Variants in ANKRD26 observed in about 807,000 individuals in gnomAD.
ANKRD26 encodes ankyrin repeat domain-containing protein 26.
In ANKRD26, 141 loss-of-function variants were observed where a neutral mutation model predicts 208.7. The observed-to-expected ratio is 0.68, with a 90% CI of 0.59 to 0.78. ANKRD26 has a LOEUF of 0.78. Among genes scored for constraint, ANKRD26 ranks in the 30% least tolerant of loss-of-function variants. The pLI, the probability that ANKRD26 is intolerant of heterozygous loss-of-function variation, is 0.00. For missense variants in ANKRD26, 1,889 were observed against 1,938.7 expected, an observed-to-expected ratio of 0.97 and a Z score of 0.48; for synonymous variants, 636 against 660.4, an observed-to-expected ratio of 0.96 and a Z score of 0.57.
At chr10:26,955,216 G>T in the ANKRD26 span, among the ~76,000 whole-genome samples, 6 of 151,878 alleles carry the variant, frequency 4.0e-5, no homozygotes, top group Non-Finnish European at 8.8e-5. Flanking sequence ...ATCACCTGAG[G>T]TCAGGAGTTT....
At chr10:27,008,452 C>G (rs2052970248) in intron 32 of ANKRD26, among the ~76,000 whole-genome samples, 1 of 152,062 alleles carries the variant, frequency 6.6e-6, no homozygotes, top group African/African-American at 2.4e-5. Flanking sequence ...TATTGCTATT[C>G]ATTAATAAAC....
the ANKRD26 span, among the ~76,000 whole-genome samples, chr10:26,965,393 A>G: frequency 5.9e-5 from 9 of 152,236 alleles, no homozygotes; most frequent in Non-Finnish European, 1.3e-4. Flanking sequence ...AGGATTCCAT[A>G]TTTAATAAAT....
chr10:27,034,876 T>A lies in ANKRD26; in HGVS notation c.3574A>T (p.Arg1192Ter). ...SEKQSLLLEE[R>*]NKELISECNH... is the part of the protein sequence containing the mutation. Reference sequence around the variant, plus strand: ...CATTCACTGATTAACTCCTTATTTCTTTCTTCTAGCAGAAGACTTTGCTTT... The same window carrying A: ...CATTCACTGATTAACTCCTTATTTCATTCTTCTAGCAGAAGACTTTGCTTT... The change falls in exon 24 of 34, where the codon AGA (arginine) becomes TGA (stop). Residue 1192 changes from arginine (R) to a stop codon, truncating the protein, a stop_gained. Coordinates refer to ENST00000376087, the MANE Select transcript of ANKRD26 (RefSeq NM_014915.3). LOFTEE classifies it high-confidence loss of function. 1 of 1,613,572 alleles carries A rather than the reference T, an allele frequency of 6.2e-7. No homozygotes were observed. Among genetic ancestry groups the A allele is most frequent in the Non-Finnish European group, 8.5e-7 (1 of 1,179,840 alleles).
At chr10:26,971,968 G>T (rs185907338), downstream of ANKRD26, among the ~76,000 whole-genome samples, 1,377 of 152,254 alleles carry the variant, frequency 9.0e-3, 14 homozygotes, top group Non-Finnish European at 0.013. Flanking sequence ...GGGCGCAGTG[G>T]CTCACGCCTG....
intron 29 of ANKRD26, among the ~76,000 whole-genome samples, chr10:27,020,564 TTTATC>T (rs1276984890): frequency 3.3e-5 from 5 of 152,218 alleles, no homozygotes; most frequent in Non-Finnish European, 7.3e-5. Context: ...ACCTTAGATA[TTTATC>T]TTCCTTGCCT....
intron 4 of ANKRD26, among the ~76,000 whole-genome samples, chr10:27,089,458 AC>A (rs1157428128): frequency 6.6e-6 from 1 of 152,176 alleles, no homozygotes; most frequent in East Asian, 1.9e-4. Flanking sequence ...TGATATTGGG[AC>A]CCCTATGGAT....
the ANKRD26 span, among the ~76,000 whole-genome samples, chr10:26,968,303 T>C: frequency 6.6e-6 from 1 of 152,172 alleles, no homozygotes; most frequent in Admixed American, 6.5e-5. Flanking sequence ...TCTCCCCACT[T>C]ATTGGGTCAC....
At chr10:27,061,361 T>A (rs1473031036) in intron 12 of ANKRD26, 119 bp from the exon 13 acceptor site, 2 of 628,150 alleles carry the variant, frequency 3.2e-6, no homozygotes, top group Non-Finnish European at 2.7e-6. Flanking sequence ...TGCAGTTTTT[T>A]AAAATCAATG....
chr10:27,004,936 T>A lies in ANKRD26; in HGVS notation c.*654A>T, dbSNP rs907841417. 1.1e-5 allele frequency: 7 copies of A among 615,318 alleles called. No homozygotes were observed. In the Admixed American group the frequency reaches 1.9e-4, roughly 17 times the overall value. 38.1% of individuals were successfully genotyped at this position (615,318 alleles called of 1,614,324 possible). ...TGTAGAATGTCCTGACTTGTAGGAA[T>A]GCCCACTAAAGTAATCAGGGGTGAT... On this transcript the variant is annotated 3_prime_UTR_variant, in exon 34 of 34. Transcript: ENST00000376087.
intron 15 of ANKRD26, among the ~76,000 whole-genome samples, chr10:27,056,795 A>G (rs1030006983): frequency 2.0e-5 from 3 of 152,126 alleles, no homozygotes; most frequent in African/African-American, 7.2e-5. Flanking sequence ...AAAATAAAAA[A>G]TAAAAGTCAT....
intron 5 of ANKRD26, among the ~76,000 whole-genome samples, chr10:26,994,421 C>G (rs564756705): frequency 4.6e-5 from 7 of 152,296 alleles, no homozygotes; most frequent in Admixed American, 1.3e-4. Flanking sequence ...TAAGGGGCAT[C>G]TGACATCCCA....
chr10:26,951,025 T>TTTTTTTTTTTTTTTTTTTTTC, the ANKRD26 span, among the ~76,000 whole-genome samples: 1 of 145,074 alleles, frequency 6.9e-6, no homozygotes, highest in Non-Finnish European at 1.5e-5. Context: ...TTTTCTTTTT[T>TTTTTTTTTTTTTTTTTTTTTC]TTTTTTTTTT....
At chr10:27,051,488 C>T in intron 16 of ANKRD26, 2 of 1,062,522 alleles carry the variant, frequency 1.9e-6, no homozygotes, top group Non-Finnish European at 2.3e-6. Flanking sequence ...ACTCTTCTTT[C>T]ATTACACCTG....
downstream of ANKRD26, among the ~76,000 whole-genome samples, chr10:26,987,741 G>T (rs2134650422): frequency 6.6e-6 from 1 of 152,312 alleles, no homozygotes; most frequent in African/African-American, 2.4e-5. Flanking sequence ...TTCATAGAAA[G>T]TTAATCTATT....
chr10:27,032,643 AAAC>A, intron 25 of ANKRD26, among the ~76,000 whole-genome samples: 1 of 151,124 alleles, frequency 6.6e-6, no homozygotes, highest in African/African-American at 2.4e-5. Flanking sequence ...CTCAAAAAAA[AAAC>A]AAAAAACAAA....
At chr10:27,066,593 T>C (rs374735110) in intron 10 of ANKRD26, 45 bp from the exon 11 acceptor site, 2 of 1,336,430 alleles carry the variant, frequency 1.5e-6, no homozygotes, top group African/African-American at 1.4e-5. Flanking sequence ...ACATTTACTA[T>C]TGTAAATTTT....
intron 21 of ANKRD26, among the ~76,000 whole-genome samples, chr10:27,038,879 A>T (rs2054132764): frequency 6.6e-6 from 1 of 152,168 alleles, no homozygotes; most frequent in South Asian, 2.1e-4. Context: ...ATAATTAAAG[A>T]TTAGGCTAAC....
intron 3 of ANKRD26, among the ~76,000 whole-genome samples, 175 bp downstream of exon 3, chr10:27,093,174 G>A (rs1318383502): frequency 6.6e-6 from 1 of 152,106 alleles, no homozygotes. Flanking sequence ...ACTGCCTAAT[G>A]CTTCTTTAAA....
chr10:27,071,253 C>T (rs2055483140), intron 9 of ANKRD26, among the ~76,000 whole-genome samples: 1 of 145,192 alleles, frequency 6.9e-6, no homozygotes, highest in African/African-American at 2.6e-5. Context: ...GCAAGCTCTG[C>T]CTCCCAGGTT....
Sources: gnomAD v4.1 joint callset for allele counts (sites outside exome capture counted in the v4.1 genomes callset) on GRCh38, gnomAD v4.1.1 for gene constraint, MANE v1.5 for transcripts, NCBI Gene and HGNC (gene_info 2026-07-23, HGNC 2026-07-21) for gene names.